Variants in SLC24A3 observed in about 807,000 individuals in gnomAD.
SLC24A3 encodes sodium/potassium/calcium exchanger 3.
In SLC24A3, 28 loss-of-function variants were observed where a neutral mutation model predicts 75.8. That is an observed-to-expected ratio of 0.37 (90% CI 0.27 to 0.51). The LOEUF is 0.51. Ranked by LOEUF, SLC24A3 falls within the 20% of genes least tolerant of loss-of-function variation. SLC24A3 has a pLI of 0.94. For missense variants in SLC24A3, 663 were observed against 847.8 expected, an observed-to-expected ratio of 0.78 and a Z score of 2.71; for synonymous variants, 372 against 334.1, an observed-to-expected ratio of 1.11 and a Z score of -1.24.
chr20:19,687,144 C>T (rs940574600), intron 12 of SLC24A3, among the ~76,000 whole-genome samples: 6 of 152,168 alleles, frequency 3.9e-5, no homozygotes, highest in Non-Finnish European at 8.8e-5. Flanking sequence ...GAAGGTGTAG[C>T]CAGGGCTACA....
Position 19,638,137 on chromosome 20 carries a change from G to A in SLC24A3, c.613-15925G>A, listed in dbSNP as rs58279887. Among the ~76,000 whole-genome samples, 280 of 150,708 alleles carry A rather than the reference G, an allele frequency of 1.9e-3. 2 individuals are homozygous for A. Among genetic ancestry groups the A allele is most frequent in the African/African-American group, 6.5e-3 (266 of 40,928 alleles). On this transcript the variant is annotated intron_variant, in intron 6 of 16. Transcript: ENST00000328041. ...CTCCCTGTGTCCATGTGTTCTCACT[G>A]TTCAACTCCCACTTAGGACTGAGAA...
intron 2 of SLC24A3, among the ~76,000 whole-genome samples, chr20:19,452,437 G>A (rs1272683023): frequency 6.9e-6 from 1 of 143,948 alleles, no homozygotes; most frequent in Non-Finnish European, 1.5e-5. Context: ...GGGGAAGTAA[G>A]GTGGTGGGGA....
chr20:19,362,709 T>C (rs1985811923), intron 2 of SLC24A3, among the ~76,000 whole-genome samples: 1 of 152,090 alleles, frequency 6.6e-6, no homozygotes, highest in Non-Finnish European at 1.5e-5. Flanking sequence ...TGAACCGACG[T>C]CTCCTGTGTC....
intron 2 of SLC24A3, among the ~76,000 whole-genome samples, chr20:19,409,298 G>A (rs992669086): frequency 3.3e-5 from 5 of 152,132 alleles, no homozygotes; most frequent in Non-Finnish European, 7.4e-5. Flanking sequence ...GGCGAGGGGA[G>A]GTGGAAACAG....
intron 2 of SLC24A3, among the ~76,000 whole-genome samples, chr20:19,492,087 G>A (rs1988217607): frequency 6.6e-6 from 1 of 152,192 alleles, no homozygotes; most frequent in Non-Finnish European, 1.5e-5. Context: ...CAGATACCCA[G>A]GTTGTTCACT....
At chr20:19,262,510 C>G (rs1261685027) in intron 1 of SLC24A3, among the ~76,000 whole-genome samples, 1 of 151,954 alleles carries the variant, frequency 6.6e-6, no homozygotes, top group Non-Finnish European at 1.5e-5. Context: ...CCTCCCCTAC[C>G]ATCTCATTGG....
At chr20:19,567,830 A>G (rs2030984700) in intron 3 of SLC24A3, among the ~76,000 whole-genome samples, 1 of 152,202 alleles carries the variant, frequency 6.6e-6, no homozygotes, top group Non-Finnish European at 1.5e-5. Flanking sequence ...GACACAATCA[A>G]TAGAGTGAAA....
At chr20:19,224,999 A>G (rs956434276) in intron 1 of SLC24A3, among the ~76,000 whole-genome samples, 2 of 152,168 alleles carry the variant, frequency 1.3e-5, no homozygotes, top group Non-Finnish European at 2.9e-5. Flanking sequence ...TCTTGTGACA[A>G]AAAAGAGATT....
intron 2 of SLC24A3, among the ~76,000 whole-genome samples, chr20:19,504,354 A>G (rs1988431394): frequency 6.6e-6 from 1 of 152,208 alleles, no homozygotes; most frequent in Non-Finnish European, 1.5e-5. Context: ...AAAAAATGTC[A>G]TTGATTTTGA....
At chr20:19,650,174 CA>C (rs533323907) in intron 6 of SLC24A3, among the ~76,000 whole-genome samples, 16 of 145,358 alleles carry the variant, frequency 1.1e-4, no homozygotes, top group African/African-American at 2.8e-4. Context: ...CACCTCTATG[CA>C]AAAAAAAAAT....
chr20:19,603,201 CAG>C (rs1368291102), intron 6 of SLC24A3, among the ~76,000 whole-genome samples: 1 of 152,156 alleles, frequency 6.6e-6, no homozygotes. Context: ...GGACCTGACT[CAG>C]GAATTCCCTG....
intron 6 of SLC24A3, among the ~76,000 whole-genome samples, chr20:19,636,515 A>G (rs895557323): frequency 1.5e-4 from 23 of 152,214 alleles, no homozygotes; most frequent in African/African-American, 5.5e-4. Context: ...TCAATATTGC[A>G]GAGGTCTAAC....
intron 2 of SLC24A3, among the ~76,000 whole-genome samples, chr20:19,350,180 G>T (rs1985535132): frequency 1.3e-5 from 2 of 152,154 alleles, no homozygotes; most frequent in Admixed American, 1.3e-4. Context: ...GTTTATATAT[G>T]AATAATGGGA....
intron 2 of SLC24A3, 120 bp downstream of exon 2, chr20:19,281,207 G>T: frequency 1.4e-6 from 2 of 1,425,730 alleles, no homozygotes; most frequent in Non-Finnish European, 1.9e-6. Flanking sequence ...AAGATGTTTA[G>T]GATGGGAGTC....
intron 6 of SLC24A3, among the ~76,000 whole-genome samples, chr20:19,605,805 C>T (rs1384459452): frequency 6.6e-6 from 1 of 152,166 alleles, no homozygotes; most frequent in African/African-American, 2.4e-5. Flanking sequence ...AAAAGAAAAA[C>T]AAATTATACC....
At chr20:19,443,329 C>T (rs993949378) in intron 2 of SLC24A3, among the ~76,000 whole-genome samples, 2 of 149,386 alleles carry the variant, frequency 1.3e-5, no homozygotes, top group African/African-American at 5.1e-5. Context: ...AATGTCTCTC[C>T]TTTTTTTAGT....
rs2122595097 is a variant in SLC24A3, at chr20:19,547,715, C to T, written c.348+32151C>T. Reference sequence around the variant, plus strand: ...AAAAAACTGCCTCTCCCACCCTCCCCTTGCCCTGAGCCCAGCTCAGATGCA... The same window carrying T: ...AAAAAACTGCCTCTCCCACCCTCCCTTTGCCCTGAGCCCAGCTCAGATGCA... On this transcript the variant is annotated intron_variant, in intron 3 of 16. Coordinates refer to ENST00000328041, the MANE Select transcript of SLC24A3 (RefSeq NM_020689.4). Among the ~76,000 whole-genome samples the T allele has an allele frequency of 1.3e-5, 2 of 152,380 alleles. 1 individual carries two copies. The highest frequency in any genetic ancestry group is 3.9e-4 in the East Asian group (2 of 5,188).
chr20:19,408,966 G>A (rs769243109), intron 2 of SLC24A3, among the ~76,000 whole-genome samples: 8 of 152,188 alleles, frequency 5.3e-5, no homozygotes, highest in Admixed American at 1.3e-4. Flanking sequence ...TGTTCTGGGC[G>A]CAAGAGACAC....
At chr20:19,578,740 A>G (rs1178002384) in intron 3 of SLC24A3, among the ~76,000 whole-genome samples, 5 of 152,162 alleles carry the variant, frequency 3.3e-5, no homozygotes, top group Non-Finnish European at 5.9e-5. Context: ...CACCTATTAG[A>G]TGCTTTGAGA....
Sources: allele counts gnomAD v4.1 joint callset (sites outside exome capture counted in the v4.1 genomes callset), GRCh38; gene constraint gnomAD v4.1.1; transcripts MANE v1.5; gene names NCBI Gene and HGNC (gene_info 2026-07-23, HGNC 2026-07-21).